The following MYH11 variants were observed in gnomAD, a reference collection of about 807,000 sequenced individuals.
The protein encoded by MYH11 is myosin heavy chain 11, also known as myosin-11.
A neutral mutation model predicts 246.6 loss-of-function variants in MYH11; 80 were observed. The observed-to-expected ratio is 0.32, with a 90% CI of 0.27 to 0.39. The LOEUF (loss-of-function observed/expected upper bound fraction) is 0.39. MYH11 is among the 10% of genes least tolerant of loss of function. MYH11 has a pLI of 1.00. For synonymous variants in MYH11, 1,071 were observed against 1,015.5 expected, an observed-to-expected ratio of 1.05 and a Z score of -1.04; for missense variants, 2,158 against 2,546.8, an observed-to-expected ratio of 0.85 and a Z score of 3.29.
chr16:15,824,843 G>GCA (rs1555457432), intron 2 of MYH11, among the ~76,000 whole-genome samples: 1 of 151,676 alleles, frequency 6.6e-6, no homozygotes, highest in Admixed American at 6.6e-5. Context: ...GCATCTCCTC[G>GCA]TGGCATCTTC....
At chr16:15,777,623 G>A (rs1009431369) in intron 7 of MYH11, among the ~76,000 whole-genome samples, 10 of 152,278 alleles carry the variant, frequency 6.6e-5, no homozygotes, top group African/African-American at 2.2e-4. Context: ...GGACTTGACC[G>A]AAGCCTGACA....
chr16:15,809,595 C>T (rs2043092835), intron 3 of MYH11, among the ~76,000 whole-genome samples: 1 of 151,876 alleles, frequency 6.6e-6, no homozygotes, highest in Middle Eastern at 3.4e-3. Context: ...GCTGGGAGGA[C>T]ACCGAGGGAG....
In MYH11 at chr16:15,747,500, G is replaced by A; in HGVS notation, c.2411+70C>T. ...AAACAGGTGGCCTCTTAGAATCAGG[G>A]AATCAGAACAGAAAGGCCCCTGTTT... On this transcript the variant is annotated intron_variant, in intron 19 of 40. Transcript: ENST00000300036. 3 of 1,585,728 alleles carry A rather than the reference G, an allele frequency of 1.9e-6. No individual in the cohort carries two copies. In the East Asian group the frequency reaches 6.7e-5, roughly 35 times the overall value.
At chr16:15,778,169 A>G (rs900150310) in intron 7 of MYH11, among the ~76,000 whole-genome samples, 1 of 152,096 alleles carries the variant, frequency 6.6e-6, no homozygotes, top group African/African-American at 2.4e-5. Context: ...ACTTGGCTCC[A>G]CTTCACCGCT....
intron 5 of MYH11, chr16:15,784,927 G>A: frequency 3.6e-6 from 2 of 555,254 alleles, no homozygotes; most frequent in East Asian, 3.0e-5. Flanking sequence ...TCAACCTACT[G>A]GGCTCAGGCA....
rs754931029 is a variant in MYH11, at chr16:15,720,844, T to G, written c.4786A>C (p.Arg1596=). The change falls in exon 33 of 41, where the codon AGA becomes CGA. Residue 1596 remains arginine, a synonymous_variant. Coordinates refer to ENST00000300036, the MANE Select transcript of MYH11 (RefSeq NM_002474.3). ...QNEEKRRQLQ[R]QLHEYETELE... The stretch of plus-strand genomic sequence containing the variant: ...GCCTCCCCGGCAGCACGCACCTGTC[T>G]CTGCAGTTGCCTCCTCTTCTCCTCA... 3.7e-5 allele frequency: 60 copies of G among 1,613,536 alleles called. No homozygotes were observed. Among genetic ancestry groups the G allele is most frequent in the Non-Finnish European group, 5.0e-5 (59 of 1,180,008 alleles).
At chr16:15,722,151 A>G (rs1015958112) in intron 31 of MYH11, among the ~76,000 whole-genome samples, 2 of 152,070 alleles carry the variant, frequency 1.3e-5, no homozygotes, top group Non-Finnish European at 2.9e-5. Flanking sequence ...GAGCCACCAC[A>G]CCTGGCCAAA....
rs1444418074 is a variant in MYH11, at chr16:15,760,631, C to A, written c.1157G>T (p.Gly386Val). The A allele has an allele frequency of 2.5e-6, 4 of 1,613,936 alleles. No homozygotes were observed. The highest frequency in any genetic ancestry group is 3.4e-6 in the Non-Finnish European group (4 of 1,179,842). ...TCTGGTGAAATCTGTCACATTAATT[C>A]CCATGAGGTGGCAAACTTTCTGAGC... is the stretch of plus-strand genomic sequence containing the variant. ...TAAQKVCHLM[G>V]INVTDFTRSI... Residue 386 changes from glycine (G) to valine (V), a missense_variant, in exon 11 of 41, where the codon GGA (glycine) becomes GTA (valine). Physicochemically the swap from Gly to Val is moderately radical, Grantham distance 109. This residue lies in a region of MYH11 where 317 missense variants were observed against 507.7 expected (regional missense o/e 0.62). Transcript: ENST00000300036.
chr16:15,711,370 C>G (rs1456814803), intron 40 of MYH11: 5 of 152,118 alleles, frequency 3.3e-5, no homozygotes, highest in African/African-American at 1.2e-4. Context: ...GCTGTTGTCA[C>G]TCCCTTTTTA....
Position 15,786,729 on chromosome 16 carries a change from G to A in MYH11, c.534C>T (p.Gly178=), listed in dbSNP as rs764984716. ...DREDQSILCT[G]ESGAGKTENT... ...TTTCGGTTTTCCCGGCTCCAGACTC[G>A]CCTCTGAAAGACACGGGAACATCAT... is the stretch of plus-strand genomic sequence containing the variant. The change falls in exon 5 of 41, where the codon GGC becomes GGT. Residue 178 remains glycine, a synonymous_variant. Coordinates refer to ENST00000300036, the MANE Select transcript of MYH11 (RefSeq NM_002474.3). 20 of 1,613,584 alleles carry A rather than the reference G, an allele frequency of 1.2e-5. No individual in the cohort carries two copies. Among genetic ancestry groups the A allele is most frequent in the Admixed American group, 3.3e-5 (2 of 59,950 alleles).
At chr16:15,747,405 A>G (rs1467163393) in intron 19 of MYH11, among the ~76,000 whole-genome samples, 165 bp downstream of exon 19, 1 of 152,180 alleles carries the variant, frequency 6.6e-6, no homozygotes, top group African/African-American at 2.4e-5. Context: ...GTAACTTGGT[A>G]CATTTATTTA....
chr16:15,750,064 G>A lies in MYH11; in HGVS notation c.2058+74C>T, dbSNP rs554388491. 58 of 1,580,310 alleles carry A rather than the reference G, an allele frequency of 3.7e-5. 1 individual carries two copies. The South Asian group carries it at 4.7e-4, about 13-fold the overall frequency. On this transcript the variant is annotated intron_variant, in intron 16 of 40. Coordinates refer to ENST00000300036, the MANE Select transcript of MYH11 (RefSeq NM_002474.3). The surrounding 1 kb of genome is among the most constrained non-coding windows in gnomAD (Gnocchi z 4.3). Reference sequence around the variant, plus strand: ...CTCGGGGTAGGTGGGGGCAGAGGGCGCCCTGGGGACGCTGTGACCGCTTGG... The same window carrying A: ...CTCGGGGTAGGTGGGGGCAGAGGGCACCCTGGGGACGCTGTGACCGCTTGG...
In MYH11 at chr16:15,719,619, T is replaced by C. The variant is rs1171305063; in HGVS notation, c.5048A>G (p.Lys1683Arg). The C allele has an allele frequency of 6.2e-7, 1 of 1,614,222 alleles. No individual in the cohort carries two copies. The highest frequency in any genetic ancestry group is 1.3e-5 in the African/African-American group (1 of 75,066). Residue 1683 changes from lysine (K) to arginine (R), a missense_variant, in exon 35 of 41, where the codon AAG becomes AGG. Transcript: ENST00000300036. ...ATAKENEKKA[K>R]SLEADLMQLQ... ...CTGCATGAGGTCTGCTTCCAAGCTCTTGGCTTTCTTCTCATTCTCTTTGGC... is the reference window on the plus strand; with the variant it reads ...CTGCATGAGGTCTGCTTCCAAGCTCCTGGCTTTCTTCTCATTCTCTTTGGC...
intron 40 of MYH11, 119 bp from the exon 41 acceptor site, chr16:15,704,242 T>C: frequency 1.6e-6 from 2 of 1,228,790 alleles, no homozygotes; most frequent in Non-Finnish European, 2.3e-6. Context: ...ATTTTTTTTA[T>C]GGCAGAAAAC....
At chr16:15,775,550 A>C (rs1449979354) in intron 8 of MYH11, among the ~76,000 whole-genome samples, 1 of 152,222 alleles carries the variant, frequency 6.6e-6, no homozygotes, top group Non-Finnish European at 1.5e-5. Flanking sequence ...TAGCTGTGCC[A>C]GAAGCCACCT....
intron 3 of MYH11, among the ~76,000 whole-genome samples, chr16:15,800,131 G>A (rs1034838162): frequency 6.6e-6 from 1 of 151,624 alleles, no homozygotes; most frequent in African/African-American, 2.4e-5. Flanking sequence ...AAAATGGATG[G>A]ATAGATGAGT....
At chr16:15,721,246 CCTCGACTGCCATT>C in intron 32 of MYH11, 163 bp downstream of exon 32, 1 of 941,984 alleles carries the variant, frequency 1.1e-6, no homozygotes, top group Non-Finnish European at 1.6e-6. Context: ...TCAGACCCAT[CCTCGACTGCCATT>C]CTCAGCCCCT....
intron 8 of MYH11, among the ~76,000 whole-genome samples, chr16:15,773,266 T>C (rs34858016): frequency 0.053 from 7,925 of 150,630 alleles, 349 homozygotes; most frequent in East Asian, 0.13. Context: ...AGCTTTCTTA[T>C]ACTACCTTTC....
intron 15 of MYH11, among the ~76,000 whole-genome samples, chr16:15,751,706 A>G (rs2041577682): frequency 7.1e-6 from 1 of 140,412 alleles, no homozygotes; most frequent in Non-Finnish European, 1.5e-5. Flanking sequence ...TTCACCACCC[A>G]GGTTCAGGTG....
Sources: allele counts gnomAD v4.1 joint callset (sites outside exome capture counted in the v4.1 genomes callset), GRCh38; gene constraint gnomAD v4.1.1; regional missense constraint gnomAD v4.1.1; non-coding constraint Gnocchi (gnomAD v3.1); transcripts MANE v1.5; gene names NCBI Gene and HGNC (gene_info 2026-07-23, HGNC 2026-07-21).